The following PTPDC1 variants were observed in gnomAD, a reference collection of about 807,000 sequenced individuals.
The protein encoded by PTPDC1 is protein tyrosine phosphatase domain-containing protein 1.
In PTPDC1, 53 loss-of-function variants were observed where a neutral mutation model predicts 75.3. That is an observed-to-expected ratio of 0.70 (90% CI 0.56 to 0.88). PTPDC1 has a LOEUF of 0.88. Among genes scored for constraint, PTPDC1 ranks in the 40% least tolerant of loss-of-function variants. The pLI, the probability that PTPDC1 is intolerant of heterozygous loss-of-function variation, is 0.00. For synonymous variants in PTPDC1, 349 were observed against 366.2 expected, an observed-to-expected ratio of 0.95 and a Z score of 0.54; for missense variants, 925 against 998.6, an observed-to-expected ratio of 0.93 and a Z score of 0.99.
intron 8 of PTPDC1, among the ~76,000 whole-genome samples, chr9:94,106,097 G>A (rs911587955): frequency 1.3e-5 from 2 of 152,104 alleles, no homozygotes; most frequent in Non-Finnish European, 2.9e-5. Context: ...AAATCCTTAC[G>A]ATTGGTCTCT....
At chr9:94,098,745 A>AG (rs1156583073) in intron 6 of PTPDC1, 166 bp downstream of exon 6, 4 of 653,116 alleles carry the variant, frequency 6.1e-6, no homozygotes, top group Non-Finnish European at 1.0e-5. Context: ...CTGATGTTAT[A>AG]GAAAAAACAC....
At chr9:94,035,007 C>T (rs895358704) in intron 1 of PTPDC1, among the ~76,000 whole-genome samples, 5 of 152,260 alleles carry the variant, frequency 3.3e-5, no homozygotes, top group Admixed American at 2.0e-4. Flanking sequence ...CATTTAGAAT[C>T]ATGCCTTTGC....
intron 6 of PTPDC1, chr9:94,100,511 A>G (rs1370537819): frequency 2.0e-5 from 3 of 152,258 alleles, no homozygotes; most frequent in African/African-American, 4.8e-5. Flanking sequence ...CTTGTGGCAT[A>G]ATAGAAACAG....
At chr9:94,084,361 C>G, upstream of PTPDC1, 1 of 1,072,558 alleles carries the variant, frequency 9.3e-7, no homozygotes, top group Non-Finnish European at 1.3e-6. Flanking sequence ...CTGTTCAGAT[C>G]TAAGTGGGAA....
chr9:94,070,044 G>A (rs1251078356), intron 2 of PTPDC1, among the ~76,000 whole-genome samples: 7 of 150,902 alleles, frequency 4.6e-5, no homozygotes, highest in Non-Finnish European at 8.9e-5. Flanking sequence ...AGGATGGTCT[G>A]GATCTCCTGA....
chr9:94,106,027 T>C (rs1346634347), intron 8 of PTPDC1, among the ~76,000 whole-genome samples: 1 of 152,144 alleles, frequency 6.6e-6, no homozygotes, highest in East Asian at 1.9e-4. Context: ...AGGAGTTTTT[T>C]GCAAAGGGGA....
At chr9:94,049,716 A>C (rs1250468840) in intron 1 of PTPDC1, among the ~76,000 whole-genome samples, 2 of 152,160 alleles carry the variant, frequency 1.3e-5, no homozygotes, top group African/African-American at 2.4e-5. Context: ...CTCAAGGAGT[A>C]TCTTTGTGGC....
In PTPDC1 at chr9:94,109,716, A is replaced by G. The variant is rs1209390651; in HGVS notation, c.*1772A>G. ...TGAAATACTTGTTTCAACTTAGAGAACAGTTATGATGTGACCATAGCATGG... is the reference window on the plus strand; with the variant it reads ...TGAAATACTTGTTTCAACTTAGAGAGCAGTTATGATGTGACCATAGCATGG... On this transcript the variant is annotated 3_prime_UTR_variant, in exon 9 of 9. Transcript: ENST00000620992. 1 of 152,220 alleles carries G rather than the reference A, an allele frequency of 6.6e-6. No homozygotes were observed. Among genetic ancestry groups the G allele is most frequent in the Non-Finnish European group, 1.5e-5 (1 of 68,042 alleles). 9.4% of individuals were successfully genotyped at this position (152,220 alleles called of 1,614,324 possible).
Position 94,095,372 on chromosome 9 carries a change from C to G in PTPDC1, c.672C>G (p.Ile224Met). 6.2e-7 allele frequency: 1 copy of G among 1,612,308 alleles called. No homozygotes were observed. ...KDYGVASLTTILDMVKVMTFA... is the reference protein window; with the variant it reads ...KDYGVASLTTMLDMVKVMTFA... ...ATGGTGTAGCGTCTCTTACTACTAT[C>G]CTAGATATGGTGAAGGTGATGACAT... is the stretch of plus-strand genomic sequence containing the variant. The change falls in exon 5 of 9, where the codon ATC becomes ATG. Residue 224 changes from isoleucine (I) to methionine (M), a missense_variant. By Grantham distance (10) the Ile-to-Met change is conservative. Transcript: ENST00000620992.
rs550824037 is a variant in PTPDC1, at chr9:94,045,955, T to C, written c.-7+14828T>C. 2.0e-5 allele frequency among the ~76,000 whole-genome samples: 3 copies of C among 152,364 alleles called. No individual in the cohort carries two copies. The South Asian group carries it at 6.2e-4, about 32-fold the overall frequency. On this transcript the variant is annotated intron_variant, in intron 1 of 9. Coordinates refer to the PTPDC1 transcript ENST00000375360. ...CCTGAATGGTATTGCCTAGGTTTTC[T>C]TCTAGAGTTTTTATGGTTTTAGGTC...
Position 94,097,727 on chromosome 9 carries a change from TAA to T in PTPDC1, c.1163_1164del (p.Lys388ArgfsTer6), listed in dbSNP as rs1827655199. On this transcript the variant is annotated frameshift_variant, in exon 6 of 9. Coordinates refer to ENST00000620992, the MANE Select transcript of PTPDC1 (RefSeq NM_001253829.2). LOFTEE classifies it high-confidence loss of function. ...MSEMVTMQLD[K>X]ELLRHDSDVS... is the part of the protein sequence containing the mutation. ...CTGAGATGGTCACCATGCAGCTGGA[TAA>T]AGAGTTACTGAGGCATGACAGTGAT... 1 of 1,614,092 alleles carries T rather than the reference TAA, an allele frequency of 6.2e-7. No individual in the cohort carries two copies. The highest frequency in any genetic ancestry group is 1.1e-5 in the South Asian group (1 of 91,080).
chr9:94,073,836 A>G (rs151175341), intron 2 of PTPDC1, among the ~76,000 whole-genome samples: 31 of 152,188 alleles, frequency 2.0e-4, no homozygotes, highest in African/African-American at 4.1e-4. Context: ...GAGACTTCCT[A>G]TTTGACTCAT....
chr9:94,080,903 T>C (rs1024538257), upstream of PTPDC1, among the ~76,000 whole-genome samples: 1 of 152,180 alleles, frequency 6.6e-6, no homozygotes, highest in Non-Finnish European at 1.5e-5. Flanking sequence ...GTGGGAAATA[T>C]ACACTAAATT....
chr9:94,084,798 C>T, intron 1 of PTPDC1, 24 bp downstream of exon 1: 1 of 1,469,182 alleles, frequency 6.8e-7, no homozygotes. Flanking sequence ...TATAGATTGC[C>T]ATACCTATGT....
At chr9:94,073,394 G>T (rs922915574) in intron 2 of PTPDC1, among the ~76,000 whole-genome samples, 2 of 152,114 alleles carry the variant, frequency 1.3e-5, no homozygotes, top group African/African-American at 4.8e-5. Context: ...TGATATGGGT[G>T]ATTTGTGTCT....
At chr9:94,037,816 C>A (rs1204060619) in intron 1 of PTPDC1, among the ~76,000 whole-genome samples, 1 of 152,154 alleles carries the variant, frequency 6.6e-6, no homozygotes, top group Non-Finnish European at 1.5e-5. Flanking sequence ...GGAAAGTTAT[C>A]CAGTCAGATA....
chr9:94,078,154 G>A (rs1428755250), intron 2 of PTPDC1, among the ~76,000 whole-genome samples: 1 of 152,118 alleles, frequency 6.6e-6, no homozygotes, highest in Non-Finnish European at 1.5e-5. Flanking sequence ...TGGGTAACTT[G>A]CTTTTAATCT....
intron 1 of PTPDC1, among the ~76,000 whole-genome samples, chr9:94,047,507 A>C (rs1310354434): frequency 2.0e-5 from 3 of 152,192 alleles, no homozygotes; most frequent in Non-Finnish European, 4.4e-5. Flanking sequence ...AATTAAAAGA[A>C]CTGGAAAAGC....
intron 1 of PTPDC1, among the ~76,000 whole-genome samples, chr9:94,046,475 G>A (rs956717499): frequency 1.3e-5 from 2 of 152,196 alleles, no homozygotes; most frequent in Non-Finnish European, 2.9e-5. Context: ...TCCTACCTAT[G>A]AGCATGGAAT....
Sources: gnomAD v4.1 joint callset for allele counts (sites outside exome capture counted in the v4.1 genomes callset) on GRCh38, gnomAD v4.1.1 for gene constraint, MANE v1.5 for transcripts, NCBI Gene and HGNC (gene_info 2026-07-23, HGNC 2026-07-21) for gene names.